MAD1L1: variants seen among roughly 807,000 people sequenced by gnomAD.
The protein encoded by MAD1L1 is mitotic arrest deficient 1 like 1.
Under a neutral mutation model 96.9 loss-of-function variants are expected in MAD1L1, and 95 were observed. The observed-to-expected ratio is 0.98, with a 90% confidence interval of 0.83 to 1.16. MAD1L1 has a LOEUF of 1.16. MAD1L1 is among the 50% of genes most tolerant of loss of function. The pLI, the probability that MAD1L1 is intolerant of heterozygous loss-of-function variation, is 0.00. For synonymous variants in MAD1L1, 473 were observed against 396.6 expected (o/e 1.19, Z -2.29); for missense variants, 1,007 against 954.4 (o/e 1.06, Z -0.73).
chr7:1,977,105 C>T (rs1347023243), intron 15 of MAD1L1, among the ~76,000 whole-genome samples: 1 of 152,234 alleles, frequency 6.6e-6, no homozygotes, highest in Admixed American at 6.5e-5. Context: ...TCCCACGTCA[C>T]ACGCCTGCAC....
intron 18 of MAD1L1, among the ~76,000 whole-genome samples, chr7:1,870,967 C>A (rs561219479): frequency 6.8e-6 from 1 of 147,942 alleles, no homozygotes; most frequent in East Asian, 2.0e-4. Flanking sequence ...ACACCTGCCA[C>A]GCTGAACCCA....
chr7:2,207,421 C>T (rs1026520569), intron 10 of MAD1L1, among the ~76,000 whole-genome samples: 8 of 152,092 alleles, frequency 5.3e-5, no homozygotes, highest in Non-Finnish European at 1.2e-4. Flanking sequence ...TCCCACCCCT[C>T]AACCTCCTAG....
At chr7:1,981,506 A>G (rs995503016) in intron 14 of MAD1L1, among the ~76,000 whole-genome samples, 1 of 152,130 alleles carries the variant, frequency 6.6e-6, no homozygotes, top group African/African-American at 2.4e-5. Context: ...GGGGTGTCTC[A>G]TGGACAGGAT....
intron 12 of MAD1L1, among the ~76,000 whole-genome samples, chr7:2,036,400 G>C (rs1783438055): frequency 6.6e-6 from 1 of 152,154 alleles, no homozygotes; most frequent in Non-Finnish European, 1.5e-5. Flanking sequence ...ATGCATTCCT[G>C]CGCCACCTCC....
intron 15 of MAD1L1, among the ~76,000 whole-genome samples, chr7:1,962,900 T>A (rs897381298): frequency 6.6e-6 from 1 of 151,942 alleles, no homozygotes; most frequent in Non-Finnish European, 1.5e-5. Context: ...GCAGCTATGA[T>A]CCCACCACTG....
At chr7:1,856,108 T>C (rs936583567) in intron 18 of MAD1L1, among the ~76,000 whole-genome samples, 6 of 152,100 alleles carry the variant, frequency 3.9e-5, no homozygotes, top group Non-Finnish European at 8.8e-5. Flanking sequence ...TCTTGGGCGT[T>C]AGAATTTCAA....
In MAD1L1 at chr7:1,833,598, CACA is replaced by C. The variant is rs370896069; in HGVS notation, c.1999-17373_1999-17371del. Among the ~76,000 whole-genome samples, 48 of 152,324 alleles carry C rather than the reference CACA, an allele frequency of 3.2e-4. 1 individual carries two copies. In the South Asian group the frequency reaches 9.8e-3, roughly 31 times the overall value. On this transcript the variant is annotated intron_variant, in intron 18 of 18. Transcript: ENST00000265854. The stretch of plus-strand genomic sequence containing the variant: ...GATACACACAGATTTCAAGTACACA[CACA>C]ACATTTACCAAGGCAGTAACATTCT...
intron 16 of MAD1L1, among the ~76,000 whole-genome samples, chr7:1,952,301 G>C (rs1039842630): frequency 2.0e-5 from 3 of 152,206 alleles, no homozygotes; most frequent in Admixed American, 6.5e-5. Flanking sequence ...CGAGGACTGC[G>C]GCCGACTCAG....
rs1294132708 is a variant in MAD1L1, at chr7:1,898,259, T to C, written c.1939A>G (p.Asn647Asp). 9 of 1,613,900 alleles carry C rather than the reference T, an allele frequency of 5.6e-6. No individual in the cohort carries two copies. Among genetic ancestry groups the C allele is most frequent in the Non-Finnish European group, 7.6e-6 (9 of 1,180,008 alleles). ...TGYQIDITTE[N>D]QYRLTSLYAE... Reference sequence around the variant, plus strand: ...TACAGCGAGGTCAGCCGGTACTGGTTCTCCGTGGTGATGTCGATCTGGTAG... The same window carrying C: ...TACAGCGAGGTCAGCCGGTACTGGTCCTCCGTGGTGATGTCGATCTGGTAG... The change falls in exon 18 of 19, where the codon AAC (asparagine) becomes GAC (aspartate). Residue 647 changes from asparagine (N) to aspartate (D), a missense_variant. By Grantham distance (23) the Asn-to-Asp change is conservative (BLOSUM62 1). Coordinates refer to ENST00000265854, the MANE Select transcript of MAD1L1 (RefSeq NM_001013836.2).
At chr7:2,217,300 AAC>A (rs1793341117) in intron 7 of MAD1L1, among the ~76,000 whole-genome samples, 2 of 152,158 alleles carry the variant, frequency 1.3e-5, no homozygotes, top group East Asian at 1.9e-4. Flanking sequence ...AACAAACACT[AAC>A]AGAGTCCATC....
chr7:2,012,788 G>A (rs895732733), intron 13 of MAD1L1, among the ~76,000 whole-genome samples: 2 of 152,198 alleles, frequency 1.3e-5, no homozygotes, highest in Admixed American at 6.5e-5. Context: ...GGGGTAGCGA[G>A]TGCATGTGGG....
chr7:1,967,297 A>G (rs577836140), intron 15 of MAD1L1, among the ~76,000 whole-genome samples: 1 of 152,338 alleles, frequency 6.6e-6, no homozygotes, highest in East Asian at 1.9e-4. Context: ...GAAATACTAA[A>G]AACCATTCAA....
At chr7:1,827,078 C>T (rs1782431914) in intron 18 of MAD1L1, among the ~76,000 whole-genome samples, 4 of 152,168 alleles carry the variant, frequency 2.6e-5, no homozygotes, top group South Asian at 2.1e-4. Context: ...GGAGTGGGGG[C>T]GCCGGCTCGG....
At chr7:1,892,924 C>A (rs1439292379) in intron 18 of MAD1L1, among the ~76,000 whole-genome samples, 2 of 152,208 alleles carry the variant, frequency 1.3e-5, no homozygotes, top group Admixed American at 6.5e-5. Flanking sequence ...CTGATTTTCT[C>A]CCTCTCGTAA....
At chr7:1,847,205 G>C (rs1783675318) in intron 18 of MAD1L1, 1 of 466,526 alleles carries the variant, frequency 2.1e-6, no homozygotes, top group South Asian at 1.6e-5. Flanking sequence ...TTGTTTGAAG[G>C]CCACACATCT....
At chr7:1,860,362 TCTGTGTCCCTAGACTTGACATCCTGC>T (rs1358611880) in intron 18 of MAD1L1, among the ~76,000 whole-genome samples, 1 of 74,170 alleles carries the variant, frequency 1.3e-5, no homozygotes, top group Non-Finnish European at 3.2e-5. Context: ...CGGGGCGGCC[TCTGTGTCCCTAGACTTGACATCCTGC>T]GGGGCGGCCT....
At chr7:1,920,856 C>T (rs911406065) in intron 17 of MAD1L1, among the ~76,000 whole-genome samples, 2 of 152,314 alleles carry the variant, frequency 1.3e-5, no homozygotes, top group East Asian at 1.9e-4. Context: ...ATTTAAAAAC[C>T]GACAGCAAAA....
chr7:2,186,824 C>T (rs1036596924), intron 10 of MAD1L1, among the ~76,000 whole-genome samples: 1 of 150,522 alleles, frequency 6.6e-6, no homozygotes, highest in Non-Finnish European at 1.5e-5. Context: ...GACGGACTCT[C>T]GCTCTGTCCC....
intron 13 of MAD1L1, among the ~76,000 whole-genome samples, chr7:2,007,886 T>C (rs1782105441): frequency 6.6e-6 from 1 of 152,120 alleles, no homozygotes; most frequent in Non-Finnish European, 1.5e-5. Flanking sequence ...GAGAATTATT[T>C]TGTAATAAAA....
Sources: gnomAD v4.1 joint callset for allele counts (sites outside exome capture counted in the v4.1 genomes callset) on GRCh38, gnomAD v4.1.1 for gene constraint, MANE v1.5 for transcripts, NCBI Gene and HGNC (gene_info 2026-07-23, HGNC 2026-07-21) for gene names.